The following RC3H1 variants were observed in gnomAD, a reference collection of about 807,000 sequenced individuals.
The protein encoded by RC3H1 is ring finger and CCCH-type domains 1, also known as roquin-1.
A neutral mutation model predicts 138.2 loss-of-function variants in RC3H1; 50 were observed. The observed-to-expected ratio is 0.36, with a 90% CI of 0.29 to 0.46. The LOEUF (loss-of-function observed/expected upper bound fraction) is 0.46. RC3H1 is among the 20% of genes least tolerant of loss of function. The probability of loss-of-function intolerance (pLI) is 1.00; values close to 1 mark genes in which losing one functional copy is unlikely to be tolerated. For missense variants in RC3H1, 1,031 were observed against 1,388.1 expected (o/e 0.74, Z 4.09); for synonymous variants, 462 against 489.1 (o/e 0.94, Z 0.73).
chr1:174,000,854 A>T (rs1466294805), intron 1 of RC3H1, among the ~76,000 whole-genome samples: 3 of 152,218 alleles, frequency 2.0e-5, no homozygotes, highest in African/African-American at 4.8e-5. Context: ...ACTAATTTAC[A>T]GTGGAAATAG....
At chr1:173,970,437 T>A in intron 9 of RC3H1, 68 bp downstream of exon 9, 1 of 972,786 alleles carries the variant, frequency 1.0e-6, no homozygotes, top group South Asian at 1.3e-5. Context: ...ACTCTTTCTG[T>A]ATTTCTGTAT....
intron 2 of RC3H1, among the ~76,000 whole-genome samples, chr1:173,989,129 C>T (rs576287122): frequency 6.6e-6 from 1 of 152,314 alleles, no homozygotes; most frequent in Admixed American, 6.5e-5. Context: ...GGTGATCAGG[C>T]TCAGATGATG....
At chr1:173,942,713 C>G (rs1392155269) in intron 18 of RC3H1, among the ~76,000 whole-genome samples, 1 of 151,776 alleles carries the variant, frequency 6.6e-6, no homozygotes, top group African/African-American at 2.4e-5. Context: ...GCGCCTAGTC[C>G]CAGCTACTTG....
chr1:173,955,981 AT>A (rs1659627486), intron 13 of RC3H1, among the ~76,000 whole-genome samples: 1 of 151,894 alleles, frequency 6.6e-6, no homozygotes, highest in South Asian at 2.1e-4. Flanking sequence ...AAATACAAAA[AT>A]TAGCCTGGCA....
chr1:173,946,739 C>G lies in RC3H1; in HGVS notation c.2828+7G>C. 1 of 1,611,066 alleles carries G rather than the reference C, an allele frequency of 6.2e-7. No individual in the cohort carries two copies. Among genetic ancestry groups the G allele is most frequent in the Non-Finnish European group, 8.5e-7 (1 of 1,177,410 alleles). ...ATGTTTGTTCAAGTAAAAAGAATGA[C>G]TCATACCTCTCACTGAAGTGTCCCT... On this transcript the variant is annotated splice_region_variant and intron_variant, in intron 16 of 19. Transcript: ENST00000367696.
intron 1 of RC3H1, among the ~76,000 whole-genome samples, chr1:173,997,447 A>G (rs1047962048): frequency 2.0e-5 from 3 of 152,172 alleles, no homozygotes; most frequent in Non-Finnish European, 4.4e-5. Flanking sequence ...TAGATAGCCA[A>G]ATATCAAAAC....
intron 2 of RC3H1, among the ~76,000 whole-genome samples, chr1:173,987,471 C>T (rs1661076243): frequency 6.6e-6 from 1 of 152,158 alleles, no homozygotes; most frequent in African/African-American, 2.4e-5. Context: ...GCCCCCATTA[C>T]TCTGTGTATG....
chr1:173,973,302 C>G (rs1660442138), intron 7 of RC3H1, among the ~76,000 whole-genome samples: 1 of 152,062 alleles, frequency 6.6e-6, no homozygotes, highest in Non-Finnish European at 1.5e-5. Context: ...CTTTCGCAGG[C>G]CGAGGTGGGC....
chr1:173,955,141 G>A (rs549072481), intron 13 of RC3H1, among the ~76,000 whole-genome samples: 13 of 147,300 alleles, frequency 8.8e-5, no homozygotes, highest in East Asian at 6.2e-4. Flanking sequence ...CGGGAGAATC[G>A]CTTGAACCTG....
intron 1 of RC3H1, among the ~76,000 whole-genome samples, chr1:174,001,078 A>T (rs28713733): frequency 6.6e-6 from 1 of 152,204 alleles, no homozygotes; most frequent in Non-Finnish European, 1.5e-5. Flanking sequence ...TCTGAGTTAG[A>T]GGGAAAAAAT....
chr1:173,959,959 A>C (rs867234472), intron 13 of RC3H1, among the ~76,000 whole-genome samples: 10 of 151,158 alleles, frequency 6.6e-5, no homozygotes, highest in Non-Finnish European at 1.2e-4. Flanking sequence ...TACAAAAATT[A>C]TAGTCGGGCG....
intron 13 of RC3H1, among the ~76,000 whole-genome samples, chr1:173,960,338 G>A (rs1201988726): frequency 6.6e-6 from 1 of 151,944 alleles, no homozygotes; most frequent in Non-Finnish European, 1.5e-5. Flanking sequence ...ATAGAAATAT[G>A]TGATCCACAT....
At chr1:173,977,048 G>T (rs945027363) in intron 7 of RC3H1, among the ~76,000 whole-genome samples, 1 of 151,414 alleles carries the variant, frequency 6.6e-6, no homozygotes, top group African/African-American at 2.4e-5. Context: ...TCAGCCTCCC[G>T]AGTAGCTGGG....
At chr1:173,962,394 A>C (rs755105083) in intron 11 of RC3H1, among the ~76,000 whole-genome samples, 1 of 152,184 alleles carries the variant, frequency 6.6e-6, no homozygotes, top group Non-Finnish European at 1.5e-5. Context: ...CAAAAAAACT[A>C]CATTTCCCAG....
chr1:173,976,359 C>T (rs1195522058), intron 7 of RC3H1, among the ~76,000 whole-genome samples: 3 of 151,476 alleles, frequency 2.0e-5, no homozygotes, highest in East Asian at 3.9e-4. Context: ...CCTAGCTACT[C>T]GGGACAAGAA....
Position 174,007,788 on chromosome 1 carries a change from T to C in RC3H1, c.-151+14308A>G, listed in dbSNP as rs557136857. On this transcript the variant is annotated intron_variant, in intron 1 of 19. Transcript: ENST00000367696. The stretch of plus-strand genomic sequence containing the variant: ...AACATTATTTTTGTTAGATTTTTTT[T>C]CCCAGCATTTACTACATTTTAAACT... Among the ~76,000 whole-genome samples the C allele has an allele frequency of 7.9e-5, 12 of 152,334 alleles. No homozygotes were observed. The East Asian group carries it at 1.2e-3, about 15-fold the overall frequency.
intron 9 of RC3H1, among the ~76,000 whole-genome samples, chr1:173,969,641 G>A (rs1228212323): frequency 6.6e-6 from 1 of 151,940 alleles, no homozygotes; most frequent in Non-Finnish European, 1.5e-5. Context: ...GCCAAGGCAG[G>A]AGGCTCCCTT....
rs754625447 is a variant in RC3H1, at chr1:173,938,692, C to T, written c.*29G>A. ...CTATGCCCGACAAACTGATTAGGAG[C>T]AGAAGATAAAAGTAGGACTCCTCAT... On this transcript the variant is annotated 3_prime_UTR_variant, in exon 20 of 20. Coordinates refer to ENST00000367696, the MANE Select transcript of RC3H1 (RefSeq NM_172071.4). 1.3e-6 allele frequency: 2 copies of T among 1,549,622 alleles called. No homozygotes were observed. Among genetic ancestry groups the T allele is most frequent in the African/African-American group, 2.7e-5 (2 of 72,804 alleles).
Position 173,964,840 on chromosome 1 carries a change from G to A in RC3H1, c.1615C>T (p.Leu539=). Residue 539 remains leucine (L), a splice_region_variant and synonymous_variant, in exon 10 of 20, where the codon CTG becomes TTG. Coordinates refer to ENST00000367696, the MANE Select transcript of RC3H1 (RefSeq NM_172071.4). ...ATAAGAGTTAGAAAAATGACGTACA[G>A]GTCAGGAGGGGATCCAGGAGCACTA... ...SSSAPGSPPD[L]LESVPKSISA... 6.2e-7 allele frequency: 1 copy of A among 1,613,630 alleles called. No homozygotes were observed. Among genetic ancestry groups the A allele is most frequent in the South Asian group, 1.1e-5 (1 of 91,056 alleles).
Sources: gnomAD v4.1 joint callset for allele counts (sites outside exome capture counted in the v4.1 genomes callset) on GRCh38, gnomAD v4.1.1 for gene constraint, MANE v1.5 for transcripts, NCBI Gene and HGNC (gene_info 2026-07-23, HGNC 2026-07-21) for gene names.